FAM107B: variants seen among roughly 807,000 people sequenced by gnomAD.
FAM107B encodes protein FAM107B.
In FAM107B, 21 loss-of-function variants were observed where a neutral mutation model predicts 31.5. The observed-to-expected ratio is 0.67, with a 90% CI of 0.47 to 0.96. The LOEUF is 0.96. FAM107B is among the 40% of genes least tolerant of loss of function. FAM107B has a pLI of 0.00. For missense variants in FAM107B, 452 were observed against 377.1 expected, an observed-to-expected ratio of 1.20 and a Z score of -1.64; for synonymous variants, 157 against 141.5, an observed-to-expected ratio of 1.11 and a Z score of -0.78.
intron 2 of FAM107B, chr10:14,554,029 C>T: frequency 1.1e-6 from 1 of 884,024 alleles, no homozygotes; most frequent in Non-Finnish European, 1.4e-6. Context: ...AGGTTTGCCG[C>T]CTCTGGCCCA....
At position 14,572,761 on chromosome 10, in the gene FAM107B, T is replaced by TATATATATATATATATATATA. The variant is rs1554835550; in HGVS notation, c.470-42247_470-42246insTATATATATATATATATATAT. ...AATTTATATATATATATATATATAT[T>TATATATATATATATATATATA]AGAGTGTGTGTGTATATATGTTATG... On this transcript the variant is annotated intron_variant, in intron 2 of 4. Coordinates refer to ENST00000181796, the MANE Select transcript of FAM107B (RefSeq NM_031453.4). 1.2e-3 allele frequency among the ~76,000 whole-genome samples: 90 copies of TATATATATATATATATATATA among 76,042 alleles called. 1 individual carries two copies. The highest frequency in any genetic ancestry group is 1.0e-3 in the Non-Finnish European group (38 of 36,494). 49.9% of individuals were successfully genotyped at this position (76,042 alleles called of 152,430 possible).
chr10:14,581,894 C>A (rs1851648240), intron 2 of FAM107B, among the ~76,000 whole-genome samples: 1 of 152,114 alleles, frequency 6.6e-6, no homozygotes, highest in Admixed American at 6.5e-5. Flanking sequence ...GGTAACAGAG[C>A]AAGACCATGT....
At chr10:14,700,681 C>A (rs977423592) in intron 1 of FAM107B, among the ~76,000 whole-genome samples, 11 of 152,010 alleles carry the variant, frequency 7.2e-5, no homozygotes, top group Non-Finnish European at 1.3e-4. Context: ...ACATAAACAA[C>A]AATGATGCTT....
At chr10:14,608,357 TA>T (rs1852644195) in intron 2 of FAM107B, among the ~76,000 whole-genome samples, 1 of 152,278 alleles carries the variant, frequency 6.6e-6, no homozygotes, top group African/African-American at 2.4e-5. Flanking sequence ...TATGACTGTA[TA>T]ACACATCGCC....
chr10:14,772,037 C>A (rs1833315463), intron 1 of FAM107B, among the ~76,000 whole-genome samples: 1 of 152,080 alleles, frequency 6.6e-6, no homozygotes, highest in Non-Finnish European at 1.5e-5. Context: ...GCATCCATGC[C>A]CTCCTCTGTA....
At chr10:14,729,716 C>T (rs145783806) in intron 1 of FAM107B, among the ~76,000 whole-genome samples, 1 of 152,142 alleles carries the variant, frequency 6.6e-6, no homozygotes, top group East Asian at 1.9e-4. Flanking sequence ...ATAAATCATT[C>T]TACTATAAAG....
At chr10:14,701,933 T>G (rs1202511716) in intron 1 of FAM107B, among the ~76,000 whole-genome samples, 1 of 152,208 alleles carries the variant, frequency 6.6e-6, no homozygotes, top group South Asian at 2.1e-4. Context: ...ATAAGACAAT[T>G]TTTGCAACAA....
rs553609416 is a variant in FAM107B, at chr10:14,631,843, C to T, written c.469+35791G>A. On this transcript the variant is annotated intron_variant, in intron 2 of 4. Transcript: ENST00000181796. ...GTGCAACATGGAAATCTGTGACCCT[C>T]TGTCACCAAATGATTAAGCATTTCT... Among the ~76,000 whole-genome samples the T allele has an allele frequency of 1.4e-4, 21 of 152,296 alleles. No individual in the cohort carries two copies. The South Asian group carries it at 4.1e-3, about 30-fold the overall frequency.
At chr10:14,537,813 G>A (rs893694829) in intron 2 of FAM107B, among the ~76,000 whole-genome samples, 7 of 136,838 alleles carry the variant, frequency 5.1e-5, no homozygotes, top group East Asian at 4.2e-4. Flanking sequence ...CCAGCCTGGC[G>A]ACAGAGTGAG....
At chr10:14,628,117 T>TTTTTGTTTTTTTTTTTTTG (rs1406162745) in intron 2 of FAM107B, among the ~76,000 whole-genome samples, 3 of 122,396 alleles carry the variant, frequency 2.5e-5, no homozygotes, top group African/African-American at 1.1e-4. Flanking sequence ...TGCTGGTTTT[T>TTTTTGTTTTTTTTTTTTTG]TTTTTTTTTT....
chr10:14,622,308 A>ATT (rs35444318), intron 2 of FAM107B, among the ~76,000 whole-genome samples: 13,829 of 136,454 alleles, frequency 0.1, 849 homozygotes, highest in Middle Eastern at 0.19. Flanking sequence ...AGTATGAGAG[A>ATT]TTTTTTTTTT....
chr10:14,619,821 G>A (rs935361134), intron 2 of FAM107B, among the ~76,000 whole-genome samples: 6 of 149,794 alleles, frequency 4.0e-5, no homozygotes, highest in African/African-American at 7.4e-5. Context: ...GGTCTATGAC[G>A]TATTTCAAAT....
intron 2 of FAM107B, among the ~76,000 whole-genome samples, chr10:14,622,686 T>C (rs1261025593): frequency 6.6e-6 from 1 of 152,206 alleles, no homozygotes; most frequent in Non-Finnish European, 1.5e-5. Context: ...AGACACACTC[T>C]TATTGGCTAT....
chr10:14,676,585 T>C (rs1854687900), intron 1 of FAM107B, among the ~76,000 whole-genome samples: 1 of 152,216 alleles, frequency 6.6e-6, no homozygotes, highest in Non-Finnish European at 1.5e-5. Context: ...GTAACACAGA[T>C]AAGTCAGAAA....
At chr10:14,666,856 T>C (rs1182946517) in intron 2 of FAM107B, among the ~76,000 whole-genome samples, 1 of 152,186 alleles carries the variant, frequency 6.6e-6, no homozygotes, top group African/African-American at 2.4e-5. Flanking sequence ...CTACTTTTCC[T>C]CCCACTTTGC....
intron 2 of FAM107B, chr10:14,553,250 A>G: frequency 1.3e-6 from 1 of 770,072 alleles, no homozygotes; most frequent in Non-Finnish European, 1.7e-6. Context: ...TTCACAGGTA[A>G]GTTTTTCCCC....
chr10:14,633,880 T>C (rs999389051), intron 2 of FAM107B, among the ~76,000 whole-genome samples: 3 of 152,198 alleles, frequency 2.0e-5, no homozygotes, highest in African/African-American at 7.2e-5. Context: ...CTTTTTCTGG[T>C]CAATCATTAC....
chr10:14,616,421 T>G (rs1436837921), intron 2 of FAM107B, among the ~76,000 whole-genome samples: 1 of 152,192 alleles, frequency 6.6e-6, no homozygotes. Flanking sequence ...GGACTATTAA[T>G]GAGGTTGAAA....
At chr10:14,725,337 T>G (rs1856006737) in intron 1 of FAM107B, among the ~76,000 whole-genome samples, 1 of 152,232 alleles carries the variant, frequency 6.6e-6, no homozygotes, top group South Asian at 2.1e-4. Flanking sequence ...TTGAGATTTC[T>G]CCTCAAAGGC....
Sources: allele counts gnomAD v4.1 joint callset (sites outside exome capture counted in the v4.1 genomes callset), GRCh38; gene constraint gnomAD v4.1.1; transcripts MANE v1.5; gene names NCBI Gene and HGNC (gene_info 2026-07-23, HGNC 2026-07-21).